The following PTPRG variants were observed in gnomAD, a reference collection of about 807,000 sequenced individuals.
The protein encoded by PTPRG is receptor-type tyrosine-protein phosphatase gamma.
Under a neutral mutation model 165.3 loss-of-function variants are expected in PTPRG, and 102 were observed. The observed-to-expected ratio is 0.62, with a 90% CI of 0.53 to 0.73. PTPRG has a LOEUF of 0.73. Ranked by LOEUF, PTPRG falls within the 30% of genes least tolerant of loss-of-function variation. PTPRG has a pLI of 0.00. For missense variants in PTPRG, 1,866 were observed against 1,861.4 expected (o/e 1.00, Z -0.05); for synonymous variants, 675 against 669.5 (o/e 1.01, Z -0.13).
At position 61,902,532 on chromosome 3, in the gene PTPRG, G is replaced by C. The variant is rs115931383; in HGVS notation, c.191-87093G>C. 7.2e-3 allele frequency among the ~76,000 whole-genome samples: 1,099 copies of C among 152,204 alleles called. 13 individuals are homozygous for C. The highest frequency in any genetic ancestry group is 0.025 in the African/African-American group (1,018 of 41,514). Reference sequence around the variant, plus strand: ...AAGAAAACTCACTACCAATTAAACTGTGCTATATTGCTAAGTTACCATCAA... The same window carrying C: ...AAGAAAACTCACTACCAATTAAACTCTGCTATATTGCTAAGTTACCATCAA... On this transcript the variant is annotated intron_variant, in intron 2 of 29. Coordinates refer to ENST00000474889, the MANE Select transcript of PTPRG (RefSeq NM_002841.4).
chr3:61,619,465 G>A (rs911779016), intron 1 of PTPRG, among the ~76,000 whole-genome samples: 31 of 152,178 alleles, frequency 2.0e-4, no homozygotes, highest in Non-Finnish European at 4.1e-4. Context: ...TTGGTAGGTA[G>A]AGGCCAGGCA....
intron 1 of PTPRG, among the ~76,000 whole-genome samples, chr3:61,632,150 C>G (rs1234235048): frequency 6.6e-6 from 1 of 152,022 alleles, no homozygotes; most frequent in African/African-American, 2.4e-5. Flanking sequence ...ACAAAAAATA[C>G]CAAAAAAATT....
chr3:62,093,422 G>T (rs1432110140), intron 5 of PTPRG, among the ~76,000 whole-genome samples: 1 of 152,188 alleles, frequency 6.6e-6, no homozygotes, highest in East Asian at 1.9e-4. Flanking sequence ...GATCAGACGT[G>T]CCATTGTCTG....
chr3:62,272,384 A>T (rs890139972), intron 21 of PTPRG, among the ~76,000 whole-genome samples: 5 of 152,216 alleles, frequency 3.3e-5, no homozygotes, highest in Admixed American at 3.3e-4. Context: ...GCCACAGTAA[A>T]TGACTTTAGT....
intron 4 of PTPRG, among the ~76,000 whole-genome samples, chr3:62,030,454 A>G (rs977036483): frequency 6.6e-6 from 1 of 152,236 alleles, no homozygotes; most frequent in Non-Finnish European, 1.5e-5. Flanking sequence ...CTACATTTGC[A>G]TAAATTGAAA....
intron 4 of PTPRG, among the ~76,000 whole-genome samples, chr3:62,071,593 A>G (rs576947280): frequency 3.6e-4 from 55 of 152,284 alleles, no homozygotes; most frequent in Admixed American, 7.2e-4. Context: ...CTCATTAATG[A>G]TATTTTAGTC....
Position 62,203,468 on chromosome 3 carries a change from C to A in PTPRG, c.1673C>A (p.Ala558Asp). 1 of 1,582,040 alleles carries A rather than the reference C, an allele frequency of 6.3e-7. No homozygotes were observed. The change falls in exon 12 of 30, where the codon GCC becomes GAC. Residue 558 changes from alanine to aspartate, a missense_variant. Physicochemically the swap from Ala to Asp is moderately radical, Grantham distance 126 (BLOSUM62 -2). Coordinates refer to ENST00000474889, the MANE Select transcript of PTPRG (RefSeq NM_002841.4). The surrounding 1 kb of genome is among the most constrained non-coding windows in gnomAD (Gnocchi z 6.4). Reference protein sequence around the residue: ...AARPVLATTEALASPGPDGDS... With the variant: ...AARPVLATTEDLASPGPDGDS... The stretch of plus-strand genomic sequence containing the variant: ...AGGCCAGTCCTAGCCACCACAGAGG[C>A]CTTGGCTTCTCCAGGGCCCGATGGT...
intron 15 of PTPRG, among the ~76,000 whole-genome samples, chr3:62,248,877 A>G (rs1223526479): frequency 6.6e-6 from 1 of 152,208 alleles, no homozygotes; most frequent in African/African-American, 2.4e-5. Flanking sequence ...GTTAAAATAC[A>G]TCTTAATAAT....
At chr3:61,772,914 T>C (rs548312046) in intron 2 of PTPRG, among the ~76,000 whole-genome samples, 18 of 152,216 alleles carry the variant, frequency 1.2e-4, no homozygotes, top group Non-Finnish European at 2.1e-4. Flanking sequence ...TTTGATTATT[T>C]CTACCACAAC....
intron 6 of PTPRG, among the ~76,000 whole-genome samples, chr3:62,143,804 C>G (rs1704016960): frequency 6.6e-6 from 1 of 152,172 alleles, no homozygotes; most frequent in Non-Finnish European, 1.5e-5. Flanking sequence ...AATTCTGGCT[C>G]TCCAGTTTGG....
intron 1 of PTPRG, among the ~76,000 whole-genome samples, chr3:61,682,886 A>G (rs1396134550): frequency 6.6e-6 from 1 of 152,268 alleles, no homozygotes; most frequent in Non-Finnish European, 1.5e-5. Flanking sequence ...CCCCAGGGTA[A>G]TAAAATTTAA....
intron 1 of PTPRG, among the ~76,000 whole-genome samples, chr3:61,565,427 C>G (rs1575504729): frequency 1.3e-5 from 2 of 152,238 alleles, no homozygotes; most frequent in East Asian, 3.9e-4. Flanking sequence ...ACTCACAACT[C>G]AATCTTCTCT....
rs908527365 is a variant in PTPRG at position 62,084,297 on chromosome 3, A to C, written c.615+6039A>C. 3.9e-5 allele frequency among the ~76,000 whole-genome samples: 6 copies of C among 152,332 alleles called. No individual in the cohort carries two copies. In the East Asian group the frequency reaches 7.7e-4, roughly 20 times the overall value. ...TCTTTTTGACAAACTGTCGTCACCA[A>C]CTCTACTGCAGTTTCCTCATTTAAT... On this transcript the variant is annotated intron_variant, in intron 5 of 29. Coordinates refer to ENST00000474889, the MANE Select transcript of PTPRG (RefSeq NM_002841.4).
At chr3:62,177,553 T>C (rs942965529) in intron 8 of PTPRG, among the ~76,000 whole-genome samples, 1 of 152,152 alleles carries the variant, frequency 6.6e-6, no homozygotes, top group Admixed American at 6.5e-5. Context: ...TGTTCGAACT[T>C]GTCAAAACCT....
intron 5 of PTPRG, among the ~76,000 whole-genome samples, chr3:62,082,420 C>T (rs935792034): frequency 6.6e-6 from 1 of 152,134 alleles, no homozygotes; most frequent in African/African-American, 2.4e-5. Flanking sequence ...TGCACTTTGC[C>T]CCATTGTGGC....
At chr3:62,186,009 T>C (rs1427417332) in intron 8 of PTPRG, among the ~76,000 whole-genome samples, 1 of 152,170 alleles carries the variant, frequency 6.6e-6, no homozygotes, top group Admixed American at 6.5e-5. Flanking sequence ...GGAGGTGTTG[T>C]TTGAAAGAAG....
rs553026104 is a variant in PTPRG at position 61,715,543 on chromosome 3, G to T, written c.86-33335G>T. Among the ~76,000 whole-genome samples, 4 of 152,198 alleles carry T rather than the reference G, an allele frequency of 2.6e-5. 1 individual carries two copies. In the South Asian group the frequency reaches 8.3e-4, roughly 32 times the overall value. On this transcript the variant is annotated intron_variant, in intron 1 of 29. Transcript: ENST00000474889. The stretch of plus-strand genomic sequence containing the variant: ...CCTCAGGAAGGTGTCTGTCCATTTG[G>T]CAAGGCCCAGATCGTATGTCTTGCC...
intron 1 of PTPRG, among the ~76,000 whole-genome samples, chr3:61,702,952 G>A (rs956251306): frequency 7.9e-5 from 12 of 152,222 alleles, no homozygotes; most frequent in African/African-American, 2.9e-4. Flanking sequence ...GTAAATGCCT[G>A]TTGGTGCACA....
chr3:62,092,942 AC>A, intron 5 of PTPRG, among the ~76,000 whole-genome samples: 1 of 152,284 alleles, frequency 6.6e-6, no homozygotes, highest in Non-Finnish European at 1.5e-5. Context: ...GTGATGTGTT[AC>A]TATTTTCTGT....
Sources: allele counts gnomAD v4.1 joint callset (sites outside exome capture counted in the v4.1 genomes callset), GRCh38; gene constraint gnomAD v4.1.1; non-coding constraint Gnocchi (gnomAD v3.1); transcripts MANE v1.5; gene names NCBI Gene and HGNC (gene_info 2026-07-23, HGNC 2026-07-21).